The following BMPR1B variants were observed in gnomAD, a reference collection of about 807,000 sequenced individuals.
BMPR1B encodes bone morphogenetic protein receptor type 1B.
In BMPR1B, 12 loss-of-function variants were observed where a neutral mutation model predicts 59.1. The ratio of observed to expected loss-of-function variants is 0.20; its 90% CI spans 0.13 to 0.33. The LOEUF (loss-of-function observed/expected upper bound fraction) is 0.33. BMPR1B is among the 10% of genes least tolerant of loss of function. BMPR1B has a pLI of 1.00. For synonymous variants in BMPR1B, 237 were observed against 207.3 expected (o/e 1.14, Z -1.23); for missense variants, 550 against 610.9 (o/e 0.90, Z 1.05).
intron 3 of BMPR1B, among the ~76,000 whole-genome samples, chr4:95,081,857 C>T (rs911749882): frequency 6.6e-6 from 1 of 152,132 alleles, no homozygotes; most frequent in South Asian, 2.1e-4. Flanking sequence ...AGTGCAGAAG[C>T]AAACATCCAG....
intron 1 of BMPR1B, among the ~76,000 whole-genome samples, chr4:94,775,975 C>T (rs1222481213): frequency 6.6e-6 from 1 of 151,710 alleles, no homozygotes; most frequent in African/African-American, 2.4e-5. Context: ...CCTGTAGTCC[C>T]AGCTACTCGG....
chr4:94,891,981 G>A (rs1455904055), intron 2 of BMPR1B, among the ~76,000 whole-genome samples: 2 of 152,004 alleles, frequency 1.3e-5, no homozygotes, highest in Admixed American at 6.6e-5. Flanking sequence ...ATTAAATTGA[G>A]TCCCTCTGAC....
intron 3 of BMPR1B, among the ~76,000 whole-genome samples, chr4:95,057,073 A>T (rs1726983547): frequency 1.3e-5 from 2 of 152,080 alleles, no homozygotes; most frequent in South Asian, 4.2e-4. Flanking sequence ...AGAAGAACAA[A>T]CTCTGTCCAT....
intron 2 of BMPR1B, among the ~76,000 whole-genome samples, chr4:94,945,832 C>T (rs1206067426): frequency 1.3e-5 from 2 of 152,012 alleles, no homozygotes; most frequent in Admixed American, 6.6e-5. Context: ...ATGGATCTAC[C>T]TGCATAGTTT....
At chr4:94,839,889 T>C (rs1334915888) in intron 1 of BMPR1B, among the ~76,000 whole-genome samples, 5 of 151,628 alleles carry the variant, frequency 3.3e-5, no homozygotes, top group South Asian at 4.2e-4. Flanking sequence ...GATTTTGCAG[T>C]GGCTGGTACC....
intron 3 of BMPR1B, among the ~76,000 whole-genome samples, chr4:95,018,506 G>T (rs1723744492): frequency 6.6e-6 from 1 of 152,022 alleles, no homozygotes; most frequent in South Asian, 2.1e-4. Context: ...TACTCTAGTT[G>T]TTTCCCTGAG....
In BMPR1B at chr4:95,154,548, T is replaced by C. The variant is rs1735274924; in HGVS notation, c.1384T>C (p.Cys462Arg). The C allele has an allele frequency of 1.9e-6, 3 of 1,614,108 alleles. No homozygotes were observed. Among genetic ancestry groups the C allele is most frequent in the East Asian group, 2.2e-5 (1 of 44,876 alleles). Residue 462 changes from cysteine (C) to arginine (R), a missense_variant and splice_region_variant, in exon 13 of 13, where the codon TGT becomes CGT. Physicochemically the swap from Cys to Arg is radical, Grantham distance 180. This residue lies in a region of BMPR1B where 123 missense variants were observed against 164.6 expected (regional missense o/e 0.75). Transcript: ENST00000515059. Reference protein sequence around the residue: ...SFPNRWSSDECLRQMGKLMTE... With the variant: ...SFPNRWSSDERLRQMGKLMTE... ...TTTTTCTAACATTTCTCTTCCTCAG[T>C]GTCTAAGGCAGATGGGAAAACTCAT...
At chr4:94,807,724 G>C (rs910385287) in intron 1 of BMPR1B, among the ~76,000 whole-genome samples, 1 of 151,984 alleles carries the variant, frequency 6.6e-6, no homozygotes, top group African/African-American at 2.4e-5. Flanking sequence ...TCATTCTGTC[G>C]CCCAGGCTGG....
intron 2 of BMPR1B, among the ~76,000 whole-genome samples, chr4:94,957,133 C>T (rs1052744806): frequency 6.6e-6 from 1 of 152,118 alleles, no homozygotes; most frequent in African/African-American, 2.4e-5. Context: ...AGGCTATTTA[C>T]CTATCTTTCT....
intron 3 of BMPR1B, among the ~76,000 whole-genome samples, chr4:95,087,556 T>G (rs1372634368): frequency 6.6e-6 from 1 of 151,842 alleles, no homozygotes; most frequent in African/African-American, 2.4e-5. Context: ...CATGGCGAAA[T>G]GCCGTCTCTA....
chr4:94,972,691 CT>C (rs1297521713), intron 2 of BMPR1B, among the ~76,000 whole-genome samples: 1 of 151,968 alleles, frequency 6.6e-6, no homozygotes, highest in East Asian at 1.9e-4. Context: ...AGAGTACGAA[CT>C]TTAGAGTCAG....
chr4:94,954,683 A>G (rs1400940584), intron 2 of BMPR1B, among the ~76,000 whole-genome samples: 1 of 152,202 alleles, frequency 6.6e-6, no homozygotes, highest in African/African-American at 2.4e-5. Context: ...CTGTATGATC[A>G]TATTTATATT....
chr4:94,935,028 G>T (rs1729239084), intron 2 of BMPR1B, among the ~76,000 whole-genome samples: 1 of 152,064 alleles, frequency 6.6e-6, no homozygotes, highest in Non-Finnish European at 1.5e-5. Context: ...ATATGAACTT[G>T]AAACTTGAAT....
chr4:95,139,975 T>C (rs932704669), intron 10 of BMPR1B, among the ~76,000 whole-genome samples: 5 of 152,096 alleles, frequency 3.3e-5, no homozygotes, highest in Non-Finnish European at 7.4e-5. Flanking sequence ...GCCCAGTACC[T>C]AAGTTGGAAA....
intron 6 of BMPR1B, among the ~76,000 whole-genome samples, chr4:95,116,091 A>T (rs891463964): frequency 2.0e-5 from 3 of 152,112 alleles, no homozygotes; most frequent in African/African-American, 7.2e-5. Context: ...CTTCTCCCTG[A>T]AAGTTATTCA....
intron 2 of BMPR1B, among the ~76,000 whole-genome samples, chr4:94,991,971 T>C (rs928922542): frequency 1.3e-5 from 2 of 152,208 alleles, no homozygotes; most frequent in African/African-American, 4.8e-5. Context: ...TAAACGCCCA[T>C]TGAACATACT....
rs60213345 is a variant in BMPR1B, at chr4:94,784,230, A to T, written c.-183+26162A>T. ...TGGATTATTGTGAGATTAGCTTTTA[A>T]TTTTATTTCCTATTGTCAATAAGAG... is the stretch of plus-strand genomic sequence containing the variant. On this transcript the variant is annotated intron_variant, in intron 1 of 12. Coordinates refer to ENST00000515059, the MANE Select transcript of BMPR1B (RefSeq NM_001203.3). 2.9e-3 allele frequency among the ~76,000 whole-genome samples: 440 copies of T among 152,234 alleles called. 7 individuals are homozygous for T. Among genetic ancestry groups the T allele is most frequent in the South Asian group, 0.027 (129 of 4,826 alleles).
At chr4:94,812,024 G>C (rs1156711231) in intron 1 of BMPR1B, among the ~76,000 whole-genome samples, 1 of 152,168 alleles carries the variant, frequency 6.6e-6, no homozygotes, top group African/African-American at 2.4e-5. Context: ...TTGTAGAAAT[G>C]ATAGAAACAA....
chr4:95,129,874 A>G lies in BMPR1B; in HGVS notation c.598A>G (p.Ile200Val), dbSNP rs750954022. 2 of 1,613,754 alleles carry G rather than the reference A, an allele frequency of 1.2e-6. No individual in the cohort carries two copies. Among genetic ancestry groups the G allele is most frequent in the Admixed American group, 1.7e-5 (1 of 59,956 alleles). Residue 200 changes from isoleucine (I) to valine (V), a missense_variant, in exon 9 of 13, where the codon ATA becomes GTA. Transcript: ENST00000515059. ...TGGGATTTCACAGGTCCAAAGGACT[A>G]TAGCTAAGCAGATTCAGATGGTGAA... ...SGLPLLVQRT[I>V]AKQIQMVKQI...
Sources: gnomAD v4.1 joint callset for allele counts (sites outside exome capture counted in the v4.1 genomes callset) on GRCh38, gnomAD v4.1.1 for gene constraint, gnomAD v4.1.1 regional missense constraint, MANE v1.5 for transcripts, NCBI Gene and HGNC (gene_info 2026-07-23, HGNC 2026-07-21) for gene names.